PGCKA1: variants seen among roughly 807,000 people sequenced by gnomAD.
The protein encoded by PGCKA1 is PDCD10 and GCKIII kinases-associated protein 1.
the PGCKA1 span, among the ~76,000 whole-genome samples, chr4:37,489,199 A>C: frequency 6.6e-6 from 1 of 152,330 alleles, no homozygotes; most frequent in African/African-American, 2.4e-5. Flanking sequence ...TCTGTAGTTA[A>C]CAATACTGTA....
At chr4:37,474,287 G>C in the PGCKA1 span, among the ~76,000 whole-genome samples, 1 of 151,998 alleles carries the variant, frequency 6.6e-6, no homozygotes, top group Non-Finnish European at 1.5e-5. Flanking sequence ...TCTGCCATGG[G>C]ATGTTGCAGC....
At chr4:37,533,451 C>T in the PGCKA1 span, among the ~76,000 whole-genome samples, 1 of 152,210 alleles carries the variant, frequency 6.6e-6, no homozygotes, top group Admixed American at 6.5e-5. Context: ...CTTAAGTCTA[C>T]TTTAATTGGT....
chr4:37,513,485 G>A, the PGCKA1 span, among the ~76,000 whole-genome samples: 2 of 152,322 alleles, frequency 1.3e-5, no homozygotes, highest in Non-Finnish European at 2.9e-5. Flanking sequence ...TTTCCTTGCT[G>A]TGTGCATCTG....
chr4:37,503,029 G>A, the PGCKA1 span, among the ~76,000 whole-genome samples: 2 of 152,162 alleles, frequency 1.3e-5, no homozygotes, highest in Admixed American at 6.5e-5. Flanking sequence ...GGGAATGGGC[G>A]TCCCTGGCCA....
the PGCKA1 span, among the ~76,000 whole-genome samples, chr4:37,456,479 G>T: frequency 6.6e-6 from 1 of 152,202 alleles, no homozygotes; most frequent in Non-Finnish European, 1.5e-5. Context: ...CTCTGACTCA[G>T]TGTTGTCAGG....
At chr4:37,590,399 C>G in the PGCKA1 span, 2 of 1,613,618 alleles carry the variant, frequency 1.2e-6, no homozygotes, top group African/African-American at 2.7e-5. Flanking sequence ...AATTCCAGCC[C>G]CACCCAGGAT....
the PGCKA1 span, among the ~76,000 whole-genome samples, chr4:37,512,455 T>TTTC: frequency 3.1e-5 from 1 of 32,312 alleles, no homozygotes; most frequent in African/African-American, 1.9e-4. Context: ...TGTTGATTTC[T>TTTC]TTTTTTTTTT....
chr4:37,519,280 ATT>A, the PGCKA1 span, among the ~76,000 whole-genome samples: 30,832 of 147,750 alleles, frequency 0.21, 3,863 homozygotes, highest in African/African-American at 0.36. Flanking sequence ...AATTTTTAGG[ATT>A]TTTTTTTTTC....
At chr4:37,552,087 C>T in the PGCKA1 span, among the ~76,000 whole-genome samples, 11 of 152,280 alleles carry the variant, frequency 7.2e-5, no homozygotes, top group African/African-American at 1.2e-4. Flanking sequence ...ACAGGCAGCC[C>T]GGGGCCAGGC....
chr4:37,453,279 G>A, the PGCKA1 span, among the ~76,000 whole-genome samples: 2 of 152,142 alleles, frequency 1.3e-5, no homozygotes, highest in African/African-American at 4.8e-5. Flanking sequence ...TGTGGCCAAT[G>A]CCCTAAGACC....
At chr4:37,538,086 C>T in the PGCKA1 span, among the ~76,000 whole-genome samples, 6 of 151,888 alleles carry the variant, frequency 4.0e-5, no homozygotes, top group South Asian at 4.2e-4. Flanking sequence ...CACACACACA[C>T]GCACACCCAT....
At chr4:37,527,655 TAAAAAATACAAAAA>T in the PGCKA1 span, among the ~76,000 whole-genome samples, 1 of 118,834 alleles carries the variant, frequency 8.4e-6, no homozygotes, top group Non-Finnish European at 1.7e-5. Context: ...CCGTCTCTAC[TAAAAAATACAAAAA>T]AAAAAAAAAA....
the PGCKA1 span, among the ~76,000 whole-genome samples, chr4:37,575,618 G>A: frequency 6.6e-6 from 1 of 152,020 alleles, no homozygotes; most frequent in Non-Finnish European, 1.5e-5. Flanking sequence ...GATCTTTGTT[G>A]TCCATTGTTG....
chr4:37,478,533 T>TC, the PGCKA1 span, among the ~76,000 whole-genome samples: 2 of 152,178 alleles, frequency 1.3e-5, no homozygotes, highest in African/African-American at 4.8e-5. Context: ...TTTTAGATCG[T>TC]CCTTCAAGCA....
chr4:37,553,411 G>A, the PGCKA1 span, among the ~76,000 whole-genome samples: 1 of 137,174 alleles, frequency 7.3e-6, no homozygotes, highest in Non-Finnish European at 1.6e-5. Flanking sequence ...TTTCATCTTA[G>A]AAGGACTTCT....
chr4:37,563,382 C>G, the PGCKA1 span, among the ~76,000 whole-genome samples: 1 of 152,204 alleles, frequency 6.6e-6, no homozygotes, highest in African/African-American at 2.4e-5. Context: ...GCCCTCTCCT[C>G]AGTGTGCTCT....
At chr4:37,468,748 C>A in the PGCKA1 span, among the ~76,000 whole-genome samples, 62,860 of 151,356 alleles carry the variant, frequency 0.42, 13,811 homozygotes, top group Non-Finnish European at 0.49. Context: ...GTATACCCCC[C>A]CACACACATA....
At chr4:37,568,864 G>T in the PGCKA1 span, among the ~76,000 whole-genome samples, 1 of 152,162 alleles carries the variant, frequency 6.6e-6, no homozygotes, top group Non-Finnish European at 1.5e-5. Context: ...TCGTTTTGCA[G>T]ATAAAGAAAC....
the PGCKA1 span, among the ~76,000 whole-genome samples, chr4:37,492,227 T>C: frequency 1.3e-5 from 2 of 152,086 alleles, no homozygotes; most frequent in Non-Finnish European, 2.9e-5. The surrounding 1 kb of genome is among the most constrained non-coding windows in gnomAD (Gnocchi z 4.7). Flanking sequence ...TCTTTAAATT[T>C]TTCTTTTACC....
Sources: gnomAD v4.1 joint callset for allele counts (sites outside exome capture counted in the v4.1 genomes callset) on GRCh38, gnomAD v4.1.1 for gene constraint, Gnocchi (gnomAD v3.1) non-coding constraint, MANE v1.5 for transcripts, NCBI Gene and HGNC (gene_info 2026-07-23, HGNC 2026-07-21) for gene names.